The following ROBO2 variants were observed in gnomAD, a reference collection of about 807,000 sequenced individuals.
The protein encoded by ROBO2 is roundabout guidance receptor 2, also known as roundabout homolog 2.
Under a neutral mutation model 160.8 loss-of-function variants are expected in ROBO2, and 53 were observed. The ratio of observed to expected loss-of-function variants is 0.33; its 90% CI spans 0.26 to 0.41. The LOEUF (loss-of-function observed/expected upper bound fraction) is 0.41, where lower values mean the gene tolerates loss of function less well. Among genes scored for constraint, ROBO2 ranks in the 10% least tolerant of loss-of-function variants. The pLI, the probability that ROBO2 is intolerant of heterozygous loss-of-function variation, is 1.00. For synonymous variants in ROBO2, 664 were observed against 611.7 expected, an observed-to-expected ratio of 1.09 and a Z score of -1.26; for missense variants, 1,577 against 1,722.4, an observed-to-expected ratio of 0.92 and a Z score of 1.49.
intron 2 of ROBO2, among the ~76,000 whole-genome samples, chr3:76,002,949 G>C (rs2065928625): frequency 6.6e-6 from 1 of 152,062 alleles, no homozygotes. Flanking sequence ...AACTACTACA[G>C]ATACAAATCA....
chr3:76,078,580 G>T (rs2068718724), intron 2 of ROBO2, among the ~76,000 whole-genome samples: 1 of 152,032 alleles, frequency 6.6e-6, no homozygotes, highest in Admixed American at 6.5e-5. Flanking sequence ...GCCCAGGCTG[G>T]TCTCAAACTC....
intron 4 of ROBO2, among the ~76,000 whole-genome samples, chr3:77,485,262 T>C (rs1189184651): frequency 6.6e-6 from 1 of 152,082 alleles, no homozygotes; most frequent in Non-Finnish European, 1.5e-5. Context: ...CTCCAGACCT[T>C]AGAGTTCTAG....
At chr3:76,843,846 C>G (rs1329121224) in intron 2 of ROBO2, among the ~76,000 whole-genome samples, 1 of 152,018 alleles carries the variant, frequency 6.6e-6, no homozygotes, top group African/African-American at 2.4e-5. Context: ...GGACACAACT[C>G]TCATGTCTCG....
intron 2 of ROBO2, among the ~76,000 whole-genome samples, chr3:76,528,326 G>A (rs1385050654): frequency 1.3e-5 from 2 of 152,074 alleles, no homozygotes; most frequent in Non-Finnish European, 2.9e-5. Flanking sequence ...TCACATTTAG[G>A]AACAATTACA....
At chr3:75,946,634 A>G (rs1468704454) in intron 2 of ROBO2, among the ~76,000 whole-genome samples, 1 of 152,022 alleles carries the variant, frequency 6.6e-6, no homozygotes, top group Non-Finnish European at 1.5e-5. Context: ...GTGAAGACAA[A>G]TAGGGAGGTA....
At chr3:76,282,139 T>G (rs558589283) in intron 2 of ROBO2, among the ~76,000 whole-genome samples, 1 of 152,176 alleles carries the variant, frequency 6.6e-6, no homozygotes, top group South Asian at 2.1e-4. Context: ...TATGACACAT[T>G]GACTGGAAAC....
chr3:76,108,718 G>A (rs2108218810), intron 2 of ROBO2, among the ~76,000 whole-genome samples: 1 of 151,234 alleles, frequency 6.6e-6, no homozygotes, highest in African/African-American at 2.4e-5. Context: ...GTAATTCATT[G>A]AACACAAATT....
rs563318255 is a variant in ROBO2 at position 76,012,237 on chromosome 3, G to T, written c.109+74635G>T. Among the ~76,000 whole-genome samples the T allele has an allele frequency of 8.8e-4, 134 of 152,244 alleles. 1 individual carries two copies. Among genetic ancestry groups the T allele is most frequent in the African/African-American group, 3.1e-3 (128 of 41,538 alleles). ...TTGTCATAATTCTAGAAAGTGGCATGTTCCAGCAATTATAATTATAAAGTA... is the reference window on the plus strand; with the variant it reads ...TTGTCATAATTCTAGAAAGTGGCATTTTCCAGCAATTATAATTATAAAGTA... On this transcript the variant is annotated intron_variant, in intron 2 of 26. Transcript: ENST00000487694.
chr3:75,981,784 C>G (rs2065283539), intron 2 of ROBO2, among the ~76,000 whole-genome samples: 1 of 151,298 alleles, frequency 6.6e-6, no homozygotes. Context: ...CAGTTACACT[C>G]TTTAAGTGAA....
At chr3:77,519,871 G>A (rs1344780383) in intron 5 of ROBO2, among the ~76,000 whole-genome samples, 3 of 151,394 alleles carry the variant, frequency 2.0e-5, no homozygotes, top group Non-Finnish European at 4.4e-5. Flanking sequence ...TTTCCCCAAT[G>A]TCTGAACTAA....
chr3:76,120,367 G>T (rs2070700014), intron 2 of ROBO2, among the ~76,000 whole-genome samples: 1 of 150,532 alleles, frequency 6.6e-6, no homozygotes, highest in Non-Finnish European at 1.5e-5. Flanking sequence ...GTAGGGCAAG[G>T]TTCAAACTTA....
intron 2 of ROBO2, among the ~76,000 whole-genome samples, chr3:77,178,852 T>TGATG (rs1010699095): frequency 6.6e-6 from 1 of 152,024 alleles, no homozygotes; most frequent in Non-Finnish European, 1.5e-5. Context: ...AATTTGAGTT[T>TGATG]GATTTGTTAA....
At chr3:77,159,240 CAGA>C (rs1172610386) in intron 2 of ROBO2, among the ~76,000 whole-genome samples, 3 of 152,124 alleles carry the variant, frequency 2.0e-5, no homozygotes, top group African/African-American at 7.2e-5. Context: ...TAGAATGACA[CAGA>C]AGATCAGTGC....
At chr3:75,984,400 A>T (rs2065357023) in intron 2 of ROBO2, among the ~76,000 whole-genome samples, 1 of 151,452 alleles carries the variant, frequency 6.6e-6, no homozygotes. Context: ...GAGTTTTCAG[A>T]AGGAAGCTTG....
chr3:77,354,242 A>T (rs1485418648), intron 2 of ROBO2, among the ~76,000 whole-genome samples: 2 of 151,706 alleles, frequency 1.3e-5, no homozygotes, highest in African/African-American at 4.8e-5. Context: ...GACAATTACA[A>T]TTTTTTTTTC....
At chr3:76,775,362 A>G (rs1044705995) in intron 2 of ROBO2, among the ~76,000 whole-genome samples, 3 of 150,856 alleles carry the variant, frequency 2.0e-5, no homozygotes, top group African/African-American at 7.3e-5. Flanking sequence ...AGACTATGAC[A>G]TATAAATTAT....
At chr3:76,667,327 C>A (rs2092089230) in intron 2 of ROBO2, among the ~76,000 whole-genome samples, 1 of 152,120 alleles carries the variant, frequency 6.6e-6, no homozygotes, top group South Asian at 2.1e-4. Context: ...CCAATATCAA[C>A]AAGATTCCCA....
chr3:76,410,881 A>C (rs1406488882), intron 2 of ROBO2, among the ~76,000 whole-genome samples: 1 of 152,200 alleles, frequency 6.6e-6, no homozygotes, highest in East Asian at 1.9e-4. Flanking sequence ...CATATTTAAA[A>C]TTGAATTAGT....
chr3:76,024,638 C>A (rs547957053), intron 2 of ROBO2, among the ~76,000 whole-genome samples: 1 of 151,554 alleles, frequency 6.6e-6, no homozygotes, highest in South Asian at 2.1e-4. Context: ...TACATAGATT[C>A]TATTTTCTTT....
Sources: gnomAD v4.1 joint callset for allele counts (sites outside exome capture counted in the v4.1 genomes callset) on GRCh38, gnomAD v4.1.1 for gene constraint, MANE v1.5 for transcripts, NCBI Gene and HGNC (gene_info 2026-07-23, HGNC 2026-07-21) for gene names.